The following PTPRD variants were observed in gnomAD, a reference collection of about 807,000 sequenced individuals.
The protein encoded by PTPRD is receptor-type tyrosine-protein phosphatase delta.
A neutral mutation model predicts 214.5 loss-of-function variants in PTPRD; 34 were observed. That is an observed-to-expected ratio of 0.16 (90% confidence interval 0.12 to 0.21). The LOEUF is 0.21. Ranked by LOEUF, PTPRD falls within the 10% of genes least tolerant of loss-of-function variation. The pLI, the probability that PTPRD is intolerant of heterozygous loss-of-function variation, is 1.00. For missense variants in PTPRD, 2,545 were observed against 2,398.7 expected (o/e 1.06, Z -1.27); for synonymous variants, 1,128 against 845.7 (o/e 1.33, Z -5.79).
chr9:9,841,221 G>T (rs555893569), intron 5 of PTPRD, among the ~76,000 whole-genome samples: 7 of 152,244 alleles, frequency 4.6e-5, no homozygotes, highest in Admixed American at 1.3e-4. Context: ...GGGGTTAACA[G>T]AAATAATAAG....
At chr9:8,971,752 A>G (rs1472773916) in intron 11 of PTPRD, among the ~76,000 whole-genome samples, 2 of 151,210 alleles carry the variant, frequency 1.3e-5, no homozygotes, top group African/African-American at 2.4e-5. Context: ...TGTGGCAAGA[A>G]TTATATATAT....
At chr9:8,812,046 T>C (rs1006371226) in intron 11 of PTPRD, among the ~76,000 whole-genome samples, 5 of 152,158 alleles carry the variant, frequency 3.3e-5, no homozygotes, top group Admixed American at 6.5e-5. Context: ...GCTGAGTGGA[T>C]ACTTGAACAT....
At chr9:10,499,814 T>G (rs1014968765) in intron 2 of PTPRD, among the ~76,000 whole-genome samples, 6 of 151,936 alleles carry the variant, frequency 3.9e-5, no homozygotes, top group Admixed American at 6.6e-5. Flanking sequence ...TAATATTTAT[T>G]GTCATGTGCC....
chr9:9,424,047 A>G (rs955908880), intron 8 of PTPRD, among the ~76,000 whole-genome samples: 1 of 152,150 alleles, frequency 6.6e-6, no homozygotes, highest in East Asian at 1.9e-4. Flanking sequence ...CCTTAGCCAA[A>G]GATATATATT....
At chr9:8,613,974 T>C (rs1301687941) in intron 14 of PTPRD, among the ~76,000 whole-genome samples, 1 of 151,912 alleles carries the variant, frequency 6.6e-6, no homozygotes, top group African/African-American at 2.4e-5. Context: ...TATAAAATAG[T>C]AAAGTTGTGT....
rs114924386 is a variant in PTPRD, at chr9:9,730,223, A to T, written c.-287+4310T>A. Among the ~76,000 whole-genome samples, 662 of 152,288 alleles carry T rather than the reference A, an allele frequency of 4.3e-3. 7 individuals are homozygous for T. Among genetic ancestry groups the T allele is most frequent in the African/African-American group, 0.015 (610 of 41,576 alleles). ...TGTATTATTTGAAAGATATTGTATG[A>T]CTAATGCTAAGCACATGAATTTAAT... On this transcript the variant is annotated intron_variant, in intron 7 of 45. Coordinates refer to ENST00000381196, the MANE Select transcript of PTPRD (RefSeq NM_002839.4).
At position 8,315,931 on chromosome 9, in the gene PTPRD, G is replaced by C. The variant is rs1291364146; in HGVS notation, c.*1943C>G. On this transcript the variant is annotated 3_prime_UTR_variant, in exon 46 of 46. Coordinates refer to ENST00000381196, the MANE Select transcript of PTPRD (RefSeq NM_002839.4). ...AGAAATTCTGTTGGAAGAATTGGGG[G>C]TAAGATACATATATATATATAGTTT... is the stretch of plus-strand genomic sequence containing the variant. 1 of 191,336 alleles carries C rather than the reference G, an allele frequency of 5.2e-6. No individual in the cohort carries two copies. The highest frequency in any genetic ancestry group is 9.2e-6 in the Non-Finnish European group (1 of 108,860). 11.9% of individuals were successfully genotyped at this position (191,336 alleles called of 1,614,324 possible).
intron 9 of PTPRD, among the ~76,000 whole-genome samples, chr9:9,363,213 A>G (rs1167297856): frequency 1.3e-5 from 2 of 150,024 alleles, no homozygotes; most frequent in African/African-American, 4.9e-5. Context: ...AAAATAGGGA[A>G]TGATAAGGCC....
chr9:8,369,264 C>T (rs1282215690), intron 39 of PTPRD, among the ~76,000 whole-genome samples: 1 of 152,050 alleles, frequency 6.6e-6, no homozygotes, highest in Non-Finnish European at 1.5e-5. Context: ...TTTTTATGCT[C>T]TTATGCAATG....
intron 9 of PTPRD, among the ~76,000 whole-genome samples, chr9:9,354,020 G>T (rs930668103): frequency 1.3e-5 from 2 of 151,704 alleles, no homozygotes; most frequent in African/African-American, 4.8e-5. Flanking sequence ...GTCACTCTTA[G>T]CTCCTAGAGG....
chr9:8,481,668 T>TCC (rs1335678772), intron 30 of PTPRD, among the ~76,000 whole-genome samples: 1 of 152,202 alleles, frequency 6.6e-6, no homozygotes, highest in Non-Finnish European at 1.5e-5. Context: ...ACGGAGACCT[T>TCC]TATTTTAGTC....
At chr9:10,288,981 C>T (rs2095447099) in intron 3 of PTPRD, among the ~76,000 whole-genome samples, 1 of 151,362 alleles carries the variant, frequency 6.6e-6, no homozygotes, top group Non-Finnish European at 1.5e-5. Flanking sequence ...TGTAGAATAA[C>T]CAAGACAAAG....
intron 3 of PTPRD, among the ~76,000 whole-genome samples, chr9:10,312,105 G>C (rs191811310): frequency 2.0e-5 from 3 of 152,064 alleles, no homozygotes; most frequent in Admixed American, 2.0e-4. Flanking sequence ...AGAGTCCAGT[G>C]AGATGGAATA....
intron 11 of PTPRD, among the ~76,000 whole-genome samples, chr9:8,933,244 G>T (rs1033295072): frequency 4.0e-5 from 6 of 150,502 alleles, no homozygotes; most frequent in Admixed American, 1.3e-4. Context: ...ACATCAGTTG[G>T]AAATGAAAAA....
At chr9:9,054,700 C>T (rs961305921) in intron 10 of PTPRD, among the ~76,000 whole-genome samples, 1 of 152,156 alleles carries the variant, frequency 6.6e-6, no homozygotes, top group Non-Finnish European at 1.5e-5. Flanking sequence ...CTTAAACAAA[C>T]ATTCATTGAT....
chr9:10,084,806 G>A (rs1158651817), intron 3 of PTPRD, among the ~76,000 whole-genome samples: 1 of 151,848 alleles, frequency 6.6e-6, no homozygotes. Context: ...ACCAAATTTA[G>A]TTCACAAGCT....
intron 8 of PTPRD, among the ~76,000 whole-genome samples, chr9:9,495,974 G>A (rs1260698580): frequency 6.6e-6 from 1 of 152,188 alleles, no homozygotes. Context: ...GGCCCCGCAT[G>A]AAGCTTGCTC....
chr9:8,870,437 GA>G lies in PTPRD; in HGVS notation c.-103-136492del, dbSNP rs1442786459. Among the ~76,000 whole-genome samples, 3 of 152,086 alleles carry G rather than the reference GA, an allele frequency of 2.0e-5. No homozygotes were observed. In the East Asian group the frequency reaches 5.8e-4, roughly 30 times the overall value. On this transcript the variant is annotated intron_variant, in intron 11 of 45. Transcript: ENST00000381196. ...TGACTAGAATTGAAGATGCAAGGGG[GA>G]AAAAACCCTCAAAATTAAAGGAAAA...
intron 4 of PTPRD, among the ~76,000 whole-genome samples, chr9:9,964,489 G>T (rs941809807): frequency 6.6e-6 from 1 of 152,134 alleles, no homozygotes; most frequent in Non-Finnish European, 1.5e-5. Context: ...TAGGACAATA[G>T]TTTCCTTCGC....
Sources: gnomAD v4.1 joint callset for allele counts (sites outside exome capture counted in the v4.1 genomes callset) on GRCh38, gnomAD v4.1.1 for gene constraint, MANE v1.5 for transcripts, NCBI Gene and HGNC (gene_info 2026-07-23, HGNC 2026-07-21) for gene names.